UST: variants seen among roughly 807,000 people sequenced by gnomAD.
UST encodes the protein uronyl 2-sulfotransferase.
A neutral mutation model predicts 45.6 loss-of-function variants in UST; 21 were observed. The observed-to-expected ratio is 0.46, with a 90% CI of 0.33 to 0.66. The LOEUF is 0.66. UST is among the 30% of genes least tolerant of loss of function. The probability of loss-of-function intolerance (pLI) is 0.02; values close to 1 mark genes in which losing one functional copy is unlikely to be tolerated. For missense variants in UST, 463 were observed against 512.4 expected, an observed-to-expected ratio of 0.90 and a Z score of 0.93; for synonymous variants, 215 against 200.6, an observed-to-expected ratio of 1.07 and a Z score of -0.61.
intron 2 of UST, among the ~76,000 whole-genome samples, chr6:148,930,895 A>G (rs1440721932): frequency 6.6e-6 from 1 of 152,260 alleles, no homozygotes; most frequent in Admixed American, 6.5e-5. Flanking sequence ...CACTCAAGAA[A>G]CTAACATTTG....
chr6:148,936,767 C>T, intron 2 of UST, among the ~76,000 whole-genome samples: 1 of 152,102 alleles, frequency 6.6e-6, no homozygotes, highest in East Asian at 1.9e-4. Flanking sequence ...GCGATCTCAG[C>T]TCACTGCAAT....
At chr6:148,913,664 G>A (rs1486277733) in intron 2 of UST, among the ~76,000 whole-genome samples, 1 of 152,002 alleles carries the variant, frequency 6.6e-6, no homozygotes, top group Non-Finnish European at 1.5e-5. Context: ...GCTTTCCTAT[G>A]TCAGTTCATA....
chr6:148,830,598 G>GT (rs1023382622), intron 1 of UST, among the ~76,000 whole-genome samples: 5 of 152,192 alleles, frequency 3.3e-5, no homozygotes, highest in African/African-American at 4.8e-5. Context: ...TAGTCCAGTG[G>GT]TTTTTTGGAT....
At chr6:148,859,609 G>A (rs1308596430) in intron 1 of UST, among the ~76,000 whole-genome samples, 1 of 152,164 alleles carries the variant, frequency 6.6e-6, no homozygotes, top group Admixed American at 6.5e-5. Context: ...TTTTCTTCTA[G>A]GGTTTTTATG....
chr6:148,954,016 T>A, intron 4 of UST, 65 bp downstream of exon 4: 1 of 1,326,072 alleles, frequency 7.5e-7, no homozygotes, highest in African/African-American at 1.5e-5. Flanking sequence ...TTTAGAAATC[T>A]ACCTTTATTT....
intron 1 of UST, among the ~76,000 whole-genome samples, chr6:148,843,724 C>T (rs189969945): frequency 9.1e-4 from 139 of 152,348 alleles, no homozygotes; most frequent in African/African-American, 3.2e-3. Context: ...AGCCATGCTC[C>T]AATGCAAATG....
chr6:148,951,317 G>A (rs956586074), intron 3 of UST, among the ~76,000 whole-genome samples: 1 of 152,202 alleles, frequency 6.6e-6, no homozygotes, highest in Non-Finnish European at 1.5e-5. Context: ...AGTAAAGATG[G>A]GTGAGGATTA....
At chr6:149,015,034 T>G (rs1582960198) in intron 5 of UST, among the ~76,000 whole-genome samples, 1 of 150,854 alleles carries the variant, frequency 6.6e-6, no homozygotes, top group Non-Finnish European at 1.5e-5. Flanking sequence ...GAAGAGGGGG[T>G]GTGGGAGTAA....
At chr6:148,752,994 C>G (rs558099062) in intron 1 of UST, among the ~76,000 whole-genome samples, 1 of 152,116 alleles carries the variant, frequency 6.6e-6, no homozygotes, top group South Asian at 2.1e-4. Flanking sequence ...ATACATAAAT[C>G]CCTTTTTATC....
At chr6:148,895,657 A>C (rs1218571220) in intron 2 of UST, among the ~76,000 whole-genome samples, 1 of 152,200 alleles carries the variant, frequency 6.6e-6, no homozygotes, top group Non-Finnish European at 1.5e-5. Flanking sequence ...TAGTGAATCC[A>C]TCTCACAAGA....
At chr6:149,010,638 T>C (rs1775790664) in intron 5 of UST, among the ~76,000 whole-genome samples, 1 of 151,982 alleles carries the variant, frequency 6.6e-6, no homozygotes, top group Non-Finnish European at 1.5e-5. Flanking sequence ...CTCATGCCTG[T>C]AGTCTCAGCA....
chr6:148,990,358 C>T, intron 5 of UST: 1 of 982,976 alleles, frequency 1.0e-6, no homozygotes, highest in Non-Finnish European at 1.2e-6. Flanking sequence ...ATCTTTCTTT[C>T]TTTTAAATCC....
intron 1 of UST, among the ~76,000 whole-genome samples, chr6:148,755,640 GTTTCTTTTTTT>G (rs1194063449): frequency 0.015 from 2,114 of 144,332 alleles, 49 homozygotes; most frequent in African/African-American, 0.05. Flanking sequence ...AGATCTGATG[GTTTCTTTTTTT>G]TTTCTTTTTT....
chr6:148,751,757 C>T (rs558731352), intron 1 of UST, among the ~76,000 whole-genome samples: 1 of 151,626 alleles, frequency 6.6e-6, no homozygotes, highest in Non-Finnish European at 1.5e-5. Context: ...TTTGAAATGG[C>T]ATTCAAACTT....
At chr6:149,051,181 C>G (rs776946837) in intron 7 of UST, among the ~76,000 whole-genome samples, 1 of 152,218 alleles carries the variant, frequency 6.6e-6, no homozygotes, top group East Asian at 1.9e-4. Flanking sequence ...ATTCCATGAG[C>G]TTGGACTCAG....
At chr6:148,827,075 A>G (rs1777583029) in intron 1 of UST, among the ~76,000 whole-genome samples, 1 of 152,176 alleles carries the variant, frequency 6.6e-6, no homozygotes, top group Admixed American at 6.5e-5. Flanking sequence ...CTACCAATAA[A>G]TAAGGGCATT....
chr6:148,856,452 C>T (rs919516495), intron 1 of UST, among the ~76,000 whole-genome samples: 8 of 152,164 alleles, frequency 5.3e-5, no homozygotes, highest in African/African-American at 7.2e-5. Flanking sequence ...TATCAAAGTA[C>T]GCATCTACTA....
chr6:148,886,010 G>C (rs1778906146), intron 1 of UST, among the ~76,000 whole-genome samples: 1 of 152,172 alleles, frequency 6.6e-6, no homozygotes, highest in Non-Finnish European at 1.5e-5. Context: ...TACCCCTCTT[G>C]GATAGGCGCC....
chr6:148,903,844 CAA>C (rs1779307588), intron 2 of UST, among the ~76,000 whole-genome samples: 1 of 152,120 alleles, frequency 6.6e-6, no homozygotes, highest in Admixed American at 6.5e-5. Flanking sequence ...TACTGCAGCC[CAA>C]AGAGGCTGTC....
Sources: gnomAD v4.1 joint callset for allele counts (sites outside exome capture counted in the v4.1 genomes callset) on GRCh38, gnomAD v4.1.1 for gene constraint, MANE v1.5 for transcripts, NCBI Gene and HGNC (gene_info 2026-07-23, HGNC 2026-07-21) for gene names.